CNTNAP2: variants seen among roughly 807,000 people sequenced by gnomAD.
CNTNAP2 encodes the protein contactin-associated protein-like 2.
In CNTNAP2, 98 loss-of-function variants were observed where a neutral mutation model predicts 155.2. That is an observed-to-expected ratio of 0.63 (90% confidence interval 0.54 to 0.75). The LOEUF (loss-of-function observed/expected upper bound fraction) is 0.75, where lower values mean the gene tolerates loss of function less well. Ranked by LOEUF, CNTNAP2 falls within the 30% of genes least tolerant of loss-of-function variation. The probability of loss-of-function intolerance (pLI) is 0.00; values close to 1 mark genes in which losing one functional copy is unlikely to be tolerated. For synonymous variants in CNTNAP2, 651 were observed against 631.2 expected, an observed-to-expected ratio of 1.03 and a Z score of -0.47; for missense variants, 1,727 against 1,688.1, an observed-to-expected ratio of 1.02 and a Z score of -0.40.
chr7:147,557,298 T>G (rs1014961687), intron 11 of CNTNAP2, among the ~76,000 whole-genome samples: 1 of 152,110 alleles, frequency 6.6e-6, no homozygotes. Context: ...GACTTGTCAC[T>G]GTCTAAATTT....
At chr7:148,126,009 T>A (rs1804710416) in intron 16 of CNTNAP2, among the ~76,000 whole-genome samples, 1 of 152,108 alleles carries the variant, frequency 6.6e-6, no homozygotes, top group Admixed American at 6.6e-5. Context: ...AGCCAGCCTA[T>A]AAAATAATAT....
chr7:146,797,509 G>T (rs868248127), intron 2 of CNTNAP2, among the ~76,000 whole-genome samples: 1 of 152,198 alleles, frequency 6.6e-6, no homozygotes, highest in African/African-American at 2.4e-5. Context: ...TGTGGAGGAT[G>T]AACTGAATTA....
At chr7:146,325,339 AAGT>A (rs1205716788) in intron 1 of CNTNAP2, among the ~76,000 whole-genome samples, 2 of 152,210 alleles carry the variant, frequency 1.3e-5, no homozygotes, top group Admixed American at 6.5e-5. Context: ...CAATATTAAG[AAGT>A]AGTAAAAAAG....
At chr7:147,385,027 T>G (rs1796602035) in intron 9 of CNTNAP2, among the ~76,000 whole-genome samples, 1 of 152,124 alleles carries the variant, frequency 6.6e-6, no homozygotes, top group Non-Finnish European at 1.5e-5. Flanking sequence ...GAGGAGCAAG[T>G]CACATCTTAC....
At chr7:147,018,867 G>A (rs1265374609) in intron 3 of CNTNAP2, among the ~76,000 whole-genome samples, 1 of 151,966 alleles carries the variant, frequency 6.6e-6, no homozygotes, top group South Asian at 2.1e-4. Context: ...AAAGGAGTTT[G>A]AGACCTTATC....
At chr7:146,592,902 A>G (rs1798804438) in intron 1 of CNTNAP2, among the ~76,000 whole-genome samples, 1 of 152,074 alleles carries the variant, frequency 6.6e-6, no homozygotes, top group Admixed American at 6.6e-5. Context: ...CAGTTTATGT[A>G]GCATTTTCAC....
intron 4 of CNTNAP2, among the ~76,000 whole-genome samples, chr7:147,096,766 G>GT (rs1041287417): frequency 2.4e-4 from 37 of 152,170 alleles, no homozygotes; most frequent in African/African-American, 8.7e-4. Context: ...CATGGCCCCA[G>GT]TGAGTGTGCA....
rs115674660 is a variant in CNTNAP2, at chr7:147,035,161, C to T, written c.403-8746C>T. Among the ~76,000 whole-genome samples, 290 of 152,198 alleles carry T rather than the reference C, an allele frequency of 1.9e-3. 4 individuals carry two copies. The highest frequency in any genetic ancestry group is 6.7e-3 in the African/African-American group (279 of 41,524). On this transcript the variant is annotated intron_variant, in intron 3 of 23. Transcript: ENST00000361727. ...ATGGAACGAGGGGATTGAGGGGTGGCGAGGCAAGGTCCCTCCTGTCAGGAA... is the reference window on the plus strand; with the variant it reads ...ATGGAACGAGGGGATTGAGGGGTGGTGAGGCAAGGTCCCTCCTGTCAGGAA...
chr7:146,760,026 T>C (rs1160691928), intron 1 of CNTNAP2, among the ~76,000 whole-genome samples: 1 of 152,162 alleles, frequency 6.6e-6, no homozygotes, highest in African/African-American at 2.4e-5. Context: ...TTGCTTTCTG[T>C]TTTCTAGTTA....
intron 9 of CNTNAP2, among the ~76,000 whole-genome samples, chr7:147,362,474 C>G (rs1290440894): frequency 6.6e-6 from 1 of 152,170 alleles, no homozygotes; most frequent in Non-Finnish European, 1.5e-5. Context: ...TTAGACATCA[C>G]ATAATGTCAC....
At chr7:147,880,854 G>GGTATGTGT (rs1554444837) in intron 13 of CNTNAP2, among the ~76,000 whole-genome samples, 2 of 143,088 alleles carry the variant, frequency 1.4e-5, no homozygotes, top group African/African-American at 5.2e-5. Flanking sequence ...ATTGGAGTTG[G>GGTATGTGT]GTGTGTGTGT....
rs918609711 is a variant in CNTNAP2, at chr7:147,939,029, C to T, written c.2255+35308C>T. Among the ~76,000 whole-genome samples, 7 of 151,974 alleles carry T rather than the reference C, an allele frequency of 4.6e-5. 1 individual carries two copies. The highest frequency in any genetic ancestry group is 2.1e-4 in the South Asian group (1 of 4,826). On this transcript the variant is annotated intron_variant, in intron 14 of 23. Transcript: ENST00000361727. ...TTTCAATATTAGATTTCATCATTTCCTGTGCCCATTTCCCTAGCTCAAGGG... is the reference window on the plus strand; with the variant it reads ...TTTCAATATTAGATTTCATCATTTCTTGTGCCCATTTCCCTAGCTCAAGGG...
intron 10 of CNTNAP2, among the ~76,000 whole-genome samples, chr7:147,430,860 C>A (rs974597715): frequency 3.3e-5 from 5 of 151,822 alleles, no homozygotes; most frequent in African/African-American, 9.7e-5. Context: ...GTCAGGAGAT[C>A]GAGACCATCC....
At chr7:148,330,474 A>AGTGGACGGATGG (rs1797970994) in intron 21 of CNTNAP2, among the ~76,000 whole-genome samples, 1 of 61,268 alleles carries the variant, frequency 1.6e-5, no homozygotes, top group African/African-American at 6.5e-5. Context: ...TGGATGGATG[A>AGTGGACGGATGG]AGTGGACGGA....
At chr7:148,016,359 C>G (rs1802176992) in intron 15 of CNTNAP2, among the ~76,000 whole-genome samples, 1 of 152,204 alleles carries the variant, frequency 6.6e-6, no homozygotes, top group Admixed American at 6.5e-5. Flanking sequence ...TTTGATATGG[C>G]CTTCCCACAT....
At chr7:146,302,247 AAGT>A (rs1800624604) in intron 1 of CNTNAP2, among the ~76,000 whole-genome samples, 4 of 152,154 alleles carry the variant, frequency 2.6e-5, no homozygotes, top group Non-Finnish European at 5.9e-5. Flanking sequence ...CATATAATAG[AAGT>A]TTGTTTTGTT....
chr7:146,590,643 G>T (rs1798767305), intron 1 of CNTNAP2, among the ~76,000 whole-genome samples: 1 of 152,100 alleles, frequency 6.6e-6, no homozygotes, highest in African/African-American at 2.4e-5. Flanking sequence ...TTGTGTGATA[G>T]GCCGAAGTTA....
rs1216947915 is a variant in CNTNAP2, at chr7:148,415,413, T to A, written c.3797-4T>A. On this transcript the variant is annotated splice_region_variant and splice_polypyrimidine_tract_variant and intron_variant, in intron 23 of 23. Transcript: ENST00000361727. ...ACCTCTCGTGCTTCTCCTTTCTCCG[T>A]CAGGCGTCATTGCTGTGGTGATTTT... The A allele has an allele frequency of 6.2e-7, 1 of 1,613,118 alleles. No individual in the cohort carries two copies. The highest frequency in any genetic ancestry group is 8.5e-7 in the Non-Finnish European group (1 of 1,180,036).
intron 14 of CNTNAP2, among the ~76,000 whole-genome samples, chr7:147,933,139 G>A (rs1200345421): frequency 6.6e-6 from 1 of 151,464 alleles, no homozygotes; most frequent in African/African-American, 2.4e-5. Flanking sequence ...GATGGCTATT[G>A]TTTTAAAAAA....
Sources: gnomAD v4.1 joint callset for allele counts (sites outside exome capture counted in the v4.1 genomes callset) on GRCh38, gnomAD v4.1.1 for gene constraint, MANE v1.5 for transcripts, NCBI Gene and HGNC (gene_info 2026-07-23, HGNC 2026-07-21) for gene names.